CNTN4: variants seen among roughly 807,000 people sequenced by gnomAD.
CNTN4 encodes the protein contactin-4.
In CNTN4, 77 loss-of-function variants were observed where a neutral mutation model predicts 122.5. The ratio of observed to expected loss-of-function variants is 0.63; its 90% CI spans 0.52 to 0.76. The LOEUF (loss-of-function observed/expected upper bound fraction) is 0.76, where lower values mean the gene tolerates loss of function less well. Ranked by LOEUF, CNTN4 falls within the 30% of genes least tolerant of loss-of-function variation. The probability of loss-of-function intolerance (pLI) is 0.00; values close to 1 mark genes in which losing one functional copy is unlikely to be tolerated. For missense variants in CNTN4, 1,256 were observed against 1,259.1 expected (o/e 1.00, Z 0.04); for synonymous variants, 512 against 447.0 (o/e 1.15, Z -1.83).
intron 3 of CNTN4, among the ~76,000 whole-genome samples, chr3:2,400,688 T>C (rs559442730): frequency 1.3e-5 from 2 of 150,904 alleles, no homozygotes; most frequent in East Asian, 1.9e-4. Context: ...ATGACTATTA[T>C]AATTTTTTAA....
rs536706512 is a variant in CNTN4, at chr3:2,592,458, C to G, written c.55+20900C>G. On this transcript the variant is annotated intron_variant, in intron 4 of 24. Transcript: ENST00000418658. ...CATCTTGTAGCTCCCATAATTCCCA[C>G]ATGTTGTGGGACGTACCGGGTAAGA... Among the ~76,000 whole-genome samples, 3 of 152,330 alleles carry G rather than the reference C, an allele frequency of 2.0e-5. No individual in the cohort carries two copies. The East Asian group carries it at 5.8e-4, about 29-fold the overall frequency.
intron 4 of CNTN4, among the ~76,000 whole-genome samples, chr3:2,601,334 G>C (rs1294940330): frequency 6.6e-6 from 1 of 152,112 alleles, no homozygotes; most frequent in Non-Finnish European, 1.5e-5. Flanking sequence ...TATGGTTTTA[G>C]GCCTAAAATT....
At chr3:2,554,610 A>T (rs1275407572) in intron 3 of CNTN4, among the ~76,000 whole-genome samples, 2 of 152,036 alleles carry the variant, frequency 1.3e-5, no homozygotes, top group African/African-American at 4.8e-5. Flanking sequence ...AAATATATAT[A>T]TTTTTTATTT....
chr3:2,525,946 CTA>C (rs2077383662), intron 3 of CNTN4, among the ~76,000 whole-genome samples: 1 of 152,094 alleles, frequency 6.6e-6, no homozygotes, highest in African/African-American at 2.4e-5. Context: ...CCCATTGCTA[CTA>C]CAAATAAAGG....
intron 4 of CNTN4, among the ~76,000 whole-genome samples, chr3:2,699,409 A>G (rs1335749857): frequency 6.6e-6 from 1 of 152,226 alleles, no homozygotes; most frequent in East Asian, 1.9e-4. Context: ...CCCGAAAGTC[A>G]TGTGCAACTT....
intron 2 of CNTN4, among the ~76,000 whole-genome samples, chr3:2,312,576 A>T (rs1054005860): frequency 2.0e-5 from 3 of 152,060 alleles, no homozygotes; most frequent in Admixed American, 6.6e-5. Flanking sequence ...GTAGGAACAC[A>T]TGCCTCTCTA....
At chr3:2,332,788 T>G (rs2043789555) in intron 2 of CNTN4, among the ~76,000 whole-genome samples, 1 of 150,972 alleles carries the variant, frequency 6.6e-6, no homozygotes, top group South Asian at 2.1e-4. Context: ...AAATGAGGAC[T>G]TGATGGGTGC....
chr3:2,653,783 A>G (rs1157231979), intron 4 of CNTN4, among the ~76,000 whole-genome samples: 1 of 152,142 alleles, frequency 6.6e-6, no homozygotes, highest in African/African-American at 2.4e-5. Flanking sequence ...TCTTACCCAG[A>G]ATGGACACTA....
At chr3:2,937,934 C>T (rs2094580599) in intron 13 of CNTN4, among the ~76,000 whole-genome samples, 1 of 152,090 alleles carries the variant, frequency 6.6e-6, no homozygotes, top group African/African-American at 2.4e-5. Context: ...GGGACTCAGC[C>T]AGGGGGAGGA....
Position 2,900,808 on chromosome 3 carries a change from C to G in CNTN4, c.1064C>G (p.Pro355Arg). 1 of 1,613,888 alleles carries G rather than the reference C, an allele frequency of 6.2e-7. No individual in the cohort carries two copies. Residue 355 changes from proline (P) to arginine (R), a missense_variant, in exon 11 of 25, where the codon CCT becomes CGT. Pro to Arg is a moderately radical substitution (Grantham distance 103, BLOSUM62 -2). Coordinates refer to ENST00000418658, the MANE Select transcript of CNTN4 (RefSeq NM_175607.3). ...TACAAGTGGCTAAAAAATGGCGAAC[C>G]TCTGCTAACTCGGGTAAGCAAGTTA... ...PTYKWLKNGE[P>R]LLTRDRIQIE...
intron 3 of CNTN4, among the ~76,000 whole-genome samples, chr3:2,488,492 A>G (rs532377441): frequency 6.6e-6 from 1 of 152,222 alleles, no homozygotes; most frequent in East Asian, 1.9e-4. Context: ...CCTCCTCTCC[A>G]GGGTTGGTTC....
At chr3:2,453,579 A>G (rs1360749856) in intron 3 of CNTN4, among the ~76,000 whole-genome samples, 2 of 152,152 alleles carry the variant, frequency 1.3e-5, no homozygotes, top group Non-Finnish European at 2.9e-5. Context: ...ATGATCATGT[A>G]GCTTTTCAGA....
intron 3 of CNTN4, among the ~76,000 whole-genome samples, chr3:2,347,408 A>AACTT (rs2044437913): frequency 2.3e-5 from 1 of 43,702 alleles, no homozygotes; most frequent in African/African-American, 6.2e-5. Context: ...AGGAAATACA[A>AACTT]TCTTTTTTTT....
rs1300493055 is a variant in CNTN4 at position 2,472,146 on chromosome 3, T to G, written c.-88-99270T>G. 2.1e-5 allele frequency among the ~76,000 whole-genome samples: 3 copies of G among 141,316 alleles called. No homozygotes were observed. The East Asian group carries it at 6.1e-4, about 29-fold the overall frequency. 92.7% of individuals were successfully genotyped at this position (141,316 alleles called of 152,430 possible). A position where few individuals can be genotyped will look rare whatever the true frequency, so the allele number is the denominator to read the frequency against. On this transcript the variant is annotated intron_variant, in intron 3 of 24. Coordinates refer to ENST00000418658, the MANE Select transcript of CNTN4 (RefSeq NM_175607.3). ...AGGAGAATTGCAACAAGAGCGAAAT[T>G]CCATCTCAAAAAAAAAAAAAAAAAA...
intron 3 of CNTN4, among the ~76,000 whole-genome samples, chr3:2,343,863 A>G (rs2150383729): frequency 6.6e-6 from 1 of 152,316 alleles, no homozygotes; most frequent in East Asian, 1.9e-4. Context: ...TTCCAGCTGT[A>G]CAAGAAGCAT....
intron 5 of CNTN4, among the ~76,000 whole-genome samples, chr3:2,738,706 A>G (rs995664578): frequency 2.6e-5 from 4 of 152,202 alleles, no homozygotes; most frequent in Non-Finnish European, 5.9e-5. Context: ...TGGATTGTCT[A>G]TATGGTTAAA....
At chr3:2,226,780 A>G (rs60799879) in intron 2 of CNTN4, among the ~76,000 whole-genome samples, 22,473 of 152,208 alleles carry the variant, frequency 0.15, 2,149 homozygotes, top group East Asian at 0.41. Flanking sequence ...TAAAGCAGTA[A>G]TATAGACTAT....
chr3:2,410,048 A>G (rs1431772171), intron 3 of CNTN4, among the ~76,000 whole-genome samples: 1 of 152,222 alleles, frequency 6.6e-6, no homozygotes, highest in Non-Finnish European at 1.5e-5. Context: ...GACAGCACCT[A>G]TATGCAGTTT....
intron 24 of CNTN4, 83 bp downstream of exon 24, chr3:3,054,058 T>G: frequency 7.1e-7 from 1 of 1,401,620 alleles, no homozygotes; most frequent in Non-Finnish European, 1.0e-6. Flanking sequence ...TGAAAGACAT[T>G]CAGCCTGCAA....
Sources: allele counts gnomAD v4.1 joint callset (sites outside exome capture counted in the v4.1 genomes callset), GRCh38; gene constraint gnomAD v4.1.1; transcripts MANE v1.5; gene names NCBI Gene and HGNC (gene_info 2026-07-23, HGNC 2026-07-21).